The following COL4A6 variants were observed in gnomAD, a reference collection of about 807,000 sequenced individuals.
The protein encoded by COL4A6 is collagen type IV alpha 6 chain.
In COL4A6, 59 loss-of-function variants were observed where a neutral mutation model predicts 126.7. The ratio of observed to expected loss-of-function variants is 0.47; its 90% CI spans 0.38 to 0.58. COL4A6 has a LOEUF of 0.58. COL4A6 is among the 20% of genes least tolerant of loss of function. COL4A6 has a pLI of 0.00. For missense variants in COL4A6, 1,285 were observed against 1,337.3 expected, an observed-to-expected ratio of 0.96 and a Z score of 0.61; for synonymous variants, 547 against 496.6, an observed-to-expected ratio of 1.10 and a Z score of -1.35.
intron 3 of COL4A6, among the ~76,000 whole-genome samples, chrX:108,239,033 T>G (rs2036509721): frequency 8.9e-6 from 1 of 112,271 alleles, no homozygotes; most frequent in Admixed American, 9.4e-5. Context: ...CTTTTCCCAT[T>G]TTAACAATTG....
intron 3 of COL4A6, among the ~76,000 whole-genome samples, chrX:108,278,543 A>T (rs2147791496): frequency 9.0e-6 from 1 of 110,882 alleles, no homozygotes; most frequent in African/African-American, 3.3e-5. Context: ...GACGGGGAGA[A>T]TGCAACCACG....
At chrX:108,249,966 C>G (rs1030910011) in intron 3 of COL4A6, among the ~76,000 whole-genome samples, 7 of 111,512 alleles carry the variant, frequency 6.3e-5, no homozygotes, top group Non-Finnish European at 1.1e-4. Context: ...GGACACGGAG[C>G]TTGAAATACT....
chrX:108,308,201 C>A (rs2147900324), intron 3 of COL4A6, among the ~76,000 whole-genome samples: 1 of 111,773 alleles, frequency 8.9e-6, no homozygotes, highest in Non-Finnish European at 1.9e-5. Flanking sequence ...TAAATGAGGG[C>A]TCCTCATGAA....
At chrX:108,240,103 C>T (rs569888077) in intron 3 of COL4A6, among the ~76,000 whole-genome samples, 1 of 110,802 alleles carries the variant, frequency 9.0e-6, no homozygotes, top group African/African-American at 3.3e-5. Context: ...ATTAGTTGGG[C>T]GTGGTGGTGG....
At chrX:108,426,843 G>C (rs917804507) in intron 2 of COL4A6, among the ~76,000 whole-genome samples, 7 of 111,613 alleles carry the variant, frequency 6.3e-5, no homozygotes. Flanking sequence ...TGAACCTGGG[G>C]ATATTTGGCT....
intron 2 of COL4A6, among the ~76,000 whole-genome samples, chrX:108,355,873 G>A (rs942029770): frequency 8.9e-6 from 1 of 111,822 alleles, no homozygotes; most frequent in Non-Finnish European, 1.9e-5. Flanking sequence ...ACGTAGTGAA[G>A]TTATTTAATT....
intron 2 of COL4A6, among the ~76,000 whole-genome samples, chrX:108,335,915 T>C (rs1165303681): frequency 4.5e-5 from 5 of 111,177 alleles, no homozygotes; most frequent in African/African-American, 1.6e-4. Context: ...CATCATGCCA[T>C]GTGATCCCCA....
chrX:108,339,760 C>A, intron 2 of COL4A6, among the ~76,000 whole-genome samples: 1 of 111,430 alleles, frequency 9.0e-6, no homozygotes, highest in Non-Finnish European at 1.9e-5. Context: ...CCTTGCACTC[C>A]ACCTCTTAGC....
intron 2 of COL4A6, among the ~76,000 whole-genome samples, chrX:108,345,122 C>T (rs1329119063): frequency 1.8e-5 from 2 of 111,528 alleles, no homozygotes; most frequent in Non-Finnish European, 1.9e-5. Context: ...GTTTTGAGCC[C>T]TCCAAGCAAA....
rs1274145334 is a variant in COL4A6, at chrX:108,193,642, C to T, written c.1058G>A (p.Gly353Asp). ...AGAAGTTGCACCTGAGATCACAGCA[C>T]CATCTATATCGATGAAAACATCTGG... ...PGPDVFIDID[G>D]AVISGNPGDP... The change falls in exon 17 of 45, where the codon GGT becomes GAT. Residue 353 changes from glycine (G) to aspartate (D), a missense_variant. Transcript: ENST00000334504. 8 of 1,207,148 alleles carry T rather than the reference C, an allele frequency of 6.6e-6. No homozygotes were observed. The highest frequency in any genetic ancestry group is 9.0e-6 in the Non-Finnish European group (8 of 891,721).
chrX:108,315,161 C>A (rs1266063661), intron 2 of COL4A6, among the ~76,000 whole-genome samples: 1 of 112,145 alleles, frequency 8.9e-6, no homozygotes, highest in Non-Finnish European at 1.9e-5. Context: ...ATAAAAATGC[C>A]TAGTAAATAA....
At chrX:108,255,185 C>CAAA (rs34052577) in intron 3 of COL4A6, among the ~76,000 whole-genome samples, 1 of 31,550 alleles carries the variant, frequency 3.2e-5, no homozygotes, top group African/African-American at 1.4e-4. Flanking sequence ...CCACAGGGGG[C>CAAA]AAAAAAAAAA....
At position 108,395,239 on chromosome X, in the gene COL4A6, ATG is replaced by A. The variant is rs944889201; in HGVS notation, c.63+42701_63+42702del. 2.7e-5 allele frequency among the ~76,000 whole-genome samples: 3 copies of A among 111,994 alleles called. No individual in the cohort carries two copies. In the Admixed American group the frequency reaches 2.9e-4, roughly 11 times the overall value. Reference sequence around the variant, plus strand: ...TAAAGCTCTTCATCAAAAGCTAAACATGTGTTACTGTGTGATCTTCCACATGC... The same window carrying A: ...TAAAGCTCTTCATCAAAAGCTAAACATGTTACTGTGTGATCTTCCACATGC... On this transcript the variant is annotated intron_variant, in intron 2 of 44. Coordinates refer to ENST00000334504, the MANE Select transcript of COL4A6 (RefSeq NM_033641.4).
intron 3 of COL4A6, among the ~76,000 whole-genome samples, chrX:108,286,275 A>G (rs897431424): frequency 2.7e-5 from 3 of 112,110 alleles, no homozygotes. Context: ...ATTTCTAGGT[A>G]ACAAAAACAC....
Position 108,423,206 on chromosome X carries a change from G to A in COL4A6, c.63+14736C>T, listed in dbSNP as rs766796672. 4.5e-5 allele frequency among the ~76,000 whole-genome samples: 5 copies of A among 111,818 alleles called. No homozygotes were observed. The South Asian group carries it at 1.5e-3, about 34-fold the overall frequency. ...ACATAGAAAATTTACAAGGCAAAAC[G>A]TTATGTGATGTGGTGTACTGTGAGA... On this transcript the variant is annotated intron_variant, in intron 2 of 44. Transcript: ENST00000334504.
At chrX:108,193,513 G>A in intron 17 of COL4A6, 115 bp downstream of exon 17, 1 of 609,333 alleles carries the variant, frequency 1.6e-6, no homozygotes, top group Non-Finnish European at 2.7e-6. Context: ...GCTCTTGGGT[G>A]TGTCAAGTTT....
chrX:108,384,294 T>C (rs1406504594), intron 2 of COL4A6, among the ~76,000 whole-genome samples: 3 of 112,049 alleles, frequency 2.7e-5, no homozygotes, highest in African/African-American at 9.7e-5. Context: ...TTTCCAGCTA[T>C]TCATCTTAAC....
chrX:108,175,864 G>C, intron 28 of COL4A6, 67 bp from the exon 29 acceptor site: 1 of 978,130 alleles, frequency 1.0e-6, no homozygotes, highest in East Asian at 3.2e-5. Flanking sequence ...GGCTCAGGGA[G>C]GTTGAGTAAC....
chrX:108,187,688 T>C (rs1197400566), intron 22 of COL4A6, among the ~76,000 whole-genome samples, 160 bp downstream of exon 22: 2 of 111,955 alleles, frequency 1.8e-5, no homozygotes, highest in Non-Finnish European at 3.8e-5. Context: ...CCACTTTACA[T>C]AAAGGAAAAG....
Sources: gnomAD v4.1 joint callset for allele counts (sites outside exome capture counted in the v4.1 genomes callset) on GRCh38, gnomAD v4.1.1 for gene constraint, MANE v1.5 for transcripts, NCBI Gene and HGNC (gene_info 2026-07-23, HGNC 2026-07-21) for gene names.